ATXN1: variants seen among roughly 807,000 people sequenced by gnomAD.
The protein encoded by ATXN1 is ataxin-1.
In ATXN1, 8 loss-of-function variants were observed where a neutral mutation model predicts 56.4. That is an observed-to-expected ratio of 0.14 (90% confidence interval 0.08 to 0.26). The LOEUF (loss-of-function observed/expected upper bound fraction) is 0.26, where lower values mean the gene tolerates loss of function less well. Ranked by LOEUF, ATXN1 falls within the 10% of genes least tolerant of loss-of-function variation. The probability of loss-of-function intolerance (pLI) is 1.00; values close to 1 mark genes in which losing one functional copy is unlikely to be tolerated. For missense variants in ATXN1, 987 were observed against 1,106.5 expected, an observed-to-expected ratio of 0.89 and a Z score of 1.53; for synonymous variants, 514 against 494.6, an observed-to-expected ratio of 1.04 and a Z score of -0.52.
At chr6:16,426,853 A>G (rs954284356) in intron 6 of ATXN1, among the ~76,000 whole-genome samples, 1 of 148,504 alleles carries the variant, frequency 6.7e-6, no homozygotes, top group African/African-American at 2.5e-5. Flanking sequence ...GTGGAACTAT[A>G]AGATCCAAAA....
At chr6:16,370,120 T>C (rs1345875411) in intron 6 of ATXN1, among the ~76,000 whole-genome samples, 2 of 152,184 alleles carry the variant, frequency 1.3e-5, no homozygotes, top group African/African-American at 4.8e-5. Flanking sequence ...CCAGGAATCC[T>C]GCATGAGGTG....
At chr6:16,498,582 T>C (rs1034741507) in intron 5 of ATXN1, among the ~76,000 whole-genome samples, 2 of 152,210 alleles carry the variant, frequency 1.3e-5, no homozygotes, top group African/African-American at 2.4e-5. Context: ...TCTATAGTGA[T>C]TGCACCATAC....
chr6:16,733,505 G>A (rs575231906), intron 2 of ATXN1, among the ~76,000 whole-genome samples: 3 of 152,108 alleles, frequency 2.0e-5, no homozygotes, highest in South Asian at 4.1e-4. Flanking sequence ...CAAGGCTGCA[G>A]TAAAGCTGTG....
chr6:16,501,865 A>T (rs1428325947), intron 5 of ATXN1, among the ~76,000 whole-genome samples: 1 of 152,114 alleles, frequency 6.6e-6, no homozygotes, highest in African/African-American at 2.4e-5. Context: ...GTCAAATGGT[A>T]TTTCTGGTTC....
chr6:16,751,359 A>G (rs1486126394), intron 2 of ATXN1, among the ~76,000 whole-genome samples: 1 of 151,990 alleles, frequency 6.6e-6, no homozygotes, highest in Non-Finnish European at 1.5e-5. Context: ...CTTAAAGAAC[A>G]CCTCTCTAAT....
chr6:16,318,207 A>C lies in ATXN1; in HGVS notation c.1917+8187T>G, dbSNP rs543100622. Among the ~76,000 whole-genome samples the C allele has an allele frequency of 1.4e-3, 214 of 152,348 alleles. 2 individuals carry two copies. Among genetic ancestry groups the C allele is most frequent in the Non-Finnish European group, 2.4e-3 (161 of 68,034 alleles). On this transcript the variant is annotated intron_variant, in intron 7 of 7. Transcript: ENST00000436367. ...TAAATATGTCTCCCATTTCCTTCACAAGAGTCCCTGTTTTCACAAATTGCG... is the reference window on the plus strand; with the variant it reads ...TAAATATGTCTCCCATTTCCTTCACCAGAGTCCCTGTTTTCACAAATTGCG...
chr6:16,364,658 G>C (rs1365155931), intron 6 of ATXN1, among the ~76,000 whole-genome samples: 3 of 152,156 alleles, frequency 2.0e-5, no homozygotes, highest in Non-Finnish European at 4.4e-5. Flanking sequence ...ACTGCTCAAG[G>C]ATACTTGTTT....
chr6:16,315,456 G>A (rs1760487393), intron 7 of ATXN1, among the ~76,000 whole-genome samples: 3 of 152,076 alleles, frequency 2.0e-5, no homozygotes, highest in Admixed American at 2.0e-4. Context: ...GATGTGGTCT[G>A]CATGTGCCCC....
At chr6:16,454,027 C>T (rs1360266191) in intron 6 of ATXN1, among the ~76,000 whole-genome samples, 2 of 148,096 alleles carry the variant, frequency 1.4e-5, no homozygotes, top group Admixed American at 6.8e-5. Flanking sequence ...GCCTGTAATT[C>T]CAGCTACTCA....
intron 2 of ATXN1, among the ~76,000 whole-genome samples, chr6:16,747,806 T>C (rs989524314): frequency 1.4e-5 from 2 of 148,000 alleles, no homozygotes; most frequent in African/African-American, 2.4e-5. Context: ...ACTGTTCTAG[T>C]GAAGGAGAGA....
chr6:16,572,289 AG>A (rs1369275060), intron 4 of ATXN1, among the ~76,000 whole-genome samples: 1 of 152,238 alleles, frequency 6.6e-6, no homozygotes, highest in East Asian at 1.9e-4. Context: ...ATACCAAAAA[AG>A]GTATAAGGAC....
chr6:16,709,045 A>G (rs900245771), intron 2 of ATXN1, among the ~76,000 whole-genome samples: 4 of 151,882 alleles, frequency 2.6e-5, no homozygotes, highest in Middle Eastern at 3.4e-3. Flanking sequence ...AAAAGAAAAG[A>G]AAAGAAAAAG....
intron 4 of ATXN1, among the ~76,000 whole-genome samples, chr6:16,545,448 G>T (rs972124109): frequency 6.6e-6 from 1 of 151,824 alleles, no homozygotes; most frequent in African/African-American, 2.4e-5. Flanking sequence ...AAAGGCCACA[G>T]CATGTATTCT....
intron 4 of ATXN1, among the ~76,000 whole-genome samples, chr6:16,529,610 T>C (rs1761462799): frequency 6.6e-6 from 1 of 152,196 alleles, no homozygotes; most frequent in South Asian, 2.1e-4. Context: ...CTGGGGGCCA[T>C]TGGTTATAAC....
intron 3 of ATXN1, among the ~76,000 whole-genome samples, chr6:16,586,219 T>TCC (rs1311280801): frequency 6.6e-6 from 1 of 152,120 alleles, no homozygotes; most frequent in Non-Finnish European, 1.5e-5. Flanking sequence ...TTCCTGCCCC[T>TCC]CCTTCCCTGC....
At chr6:16,489,404 C>CA (rs1349563219) in intron 5 of ATXN1, among the ~76,000 whole-genome samples, 1 of 151,866 alleles carries the variant, frequency 6.6e-6, no homozygotes, top group African/African-American at 2.4e-5. Flanking sequence ...TCCACAAACT[C>CA]AAAAAAAATT....
rs1447464139 is a variant in ATXN1 at position 16,303,567 on chromosome 6, CAAGAGA to C, written c.*2756_*2761del. 1 of 152,640 alleles carries C rather than the reference CAAGAGA, an allele frequency of 6.6e-6. No homozygotes were observed. Among genetic ancestry groups the C allele is most frequent in the African/African-American group, 2.4e-5 (1 of 41,446 alleles). The allele number at this position is 152,640 out of a possible 1,614,324, so 9.5% of individuals were successfully genotyped here. On this transcript the variant is annotated 3_prime_UTR_variant, in exon 8 of 8. Coordinates refer to ENST00000436367, the MANE Select transcript of ATXN1 (RefSeq NM_001128164.2). This position sits in a 1 kb window ranked among gnomAD's most constrained non-coding sequence, Gnocchi z 4.3. ...GAAAGTATTGCACATGCTAAAAAAG[CAAGAGA>C]ATGAAATGGGACAAGTGTTTAGAAA...
chr6:16,413,069 T>C (rs1758831217), intron 6 of ATXN1, among the ~76,000 whole-genome samples: 1 of 152,226 alleles, frequency 6.6e-6, no homozygotes, highest in Non-Finnish European at 1.5e-5. Context: ...CAAACTATGT[T>C]AGAAATGAAG....
At position 16,306,501 on chromosome 6, in the gene ATXN1, G is replaced by A; in HGVS notation, c.2276C>T (p.Thr759Ile). 6.2e-7 allele frequency: 1 copy of A among 1,614,172 alleles called. No individual in the cohort carries two copies. The highest frequency in any genetic ancestry group is 2.2e-5 in the East Asian group (1 of 44,882). The change falls in exon 8 of 8, where the codon ACC becomes ATC. Residue 759 changes from threonine to isoleucine, a missense_variant. Transcript: ENST00000436367. The surrounding 1 kb of genome is among the most constrained non-coding windows in gnomAD (Gnocchi z 5.2). ...CGCGGGCTTGCTGGGTTCTATTTTGGTGAGGAAGGGCGCTGCAGGCAATCC... is the reference window on the plus strand; with the variant it reads ...CGCGGGCTTGCTGGGTTCTATTTTGATGAGGAAGGGCGCTGCAGGCAATCC... ...KMGLPAAPFL[T>I]KIEPSKPAAT...
Sources: allele counts gnomAD v4.1 joint callset (sites outside exome capture counted in the v4.1 genomes callset), GRCh38; gene constraint gnomAD v4.1.1; non-coding constraint Gnocchi (gnomAD v3.1); transcripts MANE v1.5; gene names NCBI Gene and HGNC (gene_info 2026-07-23, HGNC 2026-07-21).